Variants in ENPP4 observed in about 807,000 individuals in gnomAD.
ENPP4 encodes ectonucleotide pyrophosphatase/phosphodiesterase 4.
Under a neutral mutation model 33.4 loss-of-function variants are expected in ENPP4, and 18 were observed. That is an observed-to-expected ratio of 0.54 (90% confidence interval 0.37 to 0.80). The LOEUF (loss-of-function observed/expected upper bound fraction) is 0.80, where lower values mean the gene tolerates loss of function less well. ENPP4 is among the 30% of genes least tolerant of loss of function. The pLI is 0.00. For missense variants in ENPP4, 480 were observed against 541.7 expected (o/e 0.89, Z 1.13); for synonymous variants, 172 against 189.9 (o/e 0.91, Z 0.78).
At chr6:46,135,224 T>C (rs1033876017) in intron 1 of ENPP4, among the ~76,000 whole-genome samples, 2 of 152,086 alleles carry the variant, frequency 1.3e-5, no homozygotes, top group African/African-American at 2.4e-5. Context: ...GGTTATATGG[T>C]AGCCCTATGT....
At chr6:46,135,872 C>A (rs1763967312) in intron 1 of ENPP4, among the ~76,000 whole-genome samples, 1 of 151,974 alleles carries the variant, frequency 6.6e-6, no homozygotes, top group Non-Finnish European at 1.5e-5. Context: ...GCTTCAATTT[C>A]TTTTGCATGT....
Position 46,139,828 on chromosome 6 carries a change from A to G in ENPP4, c.245A>G (p.Tyr82Cys). ...PNHYSIVTGL[Y>C]EESHGIVANS... ...CACTACAGTATTGTGACAGGCTTGTATGAAGAAAGCCATGGCATTGTGGCT... is the reference window on the plus strand; with the variant it reads ...CACTACAGTATTGTGACAGGCTTGTGTGAAGAAAGCCATGGCATTGTGGCT... The change falls in exon 2 of 4, where the codon TAT becomes TGT. Residue 82 changes from tyrosine to cysteine, a missense_variant. This residue lies in a region of ENPP4 where 227 missense variants were observed against 273.7 expected (regional missense o/e 0.83). Coordinates refer to ENST00000321037, the MANE Select transcript of ENPP4 (RefSeq NM_014936.5). 1 of 1,612,588 alleles carries G rather than the reference A, an allele frequency of 6.2e-7. No homozygotes were observed. The highest frequency in any genetic ancestry group is 1.1e-5 in the South Asian group (1 of 91,056).
intron 1 of ENPP4, among the ~76,000 whole-genome samples, chr6:46,135,653 C>T (rs1763964671): frequency 6.6e-6 from 1 of 151,958 alleles, no homozygotes; most frequent in South Asian, 2.1e-4. Context: ...AGGCACGAGA[C>T]TTTTTAATTT....
In ENPP4 at chr6:46,140,367, CTT is replaced by C. The variant is rs1467520634; in HGVS notation, c.785_786del (p.Leu262HisfsTer15). 16 of 1,596,756 alleles carry C rather than the reference CTT, an allele frequency of 1.0e-5. No homozygotes were observed. The highest frequency in any genetic ancestry group is 2.3e-5 in the South Asian group (2 of 87,524). ...CTGCATCGATCATTCATACTACACT[CTT>C]ATAGATTTGAGCCCAGTTGCTGCAA... ...DSCIDHSYYT[L>X]IDLSPVAAIL... On this transcript the variant is annotated frameshift_variant, in exon 2 of 4. Transcript: ENST00000321037. LOFTEE classifies it high-confidence loss of function.
rs1307437280 is a variant in ENPP4, at chr6:46,140,275, A to G, written c.692A>G (p.Asn231Ser). 2 of 1,612,242 alleles carry G rather than the reference A, an allele frequency of 1.2e-6. No individual in the cohort carries two copies. Among genetic ancestry groups the G allele is most frequent in the Non-Finnish European group, 1.7e-6 (2 of 1,178,802 alleles). ...ATGTTAGGGCTATGGGAAAATCTTA[A>G]TGTGATCATTACAAGTGATCATGGG... ...LKMLGLWENL[N>S]VIITSDHGMT... The change falls in exon 2 of 4, where the codon AAT becomes AGT. Residue 231 changes from asparagine to serine, a missense_variant. This residue lies in a region of ENPP4 where 227 missense variants were observed against 273.7 expected (regional missense o/e 0.83). Transcript: ENST00000321037.
intron 1 of ENPP4, among the ~76,000 whole-genome samples, chr6:46,131,460 A>G (rs11758852): frequency 0.28 from 41,791 of 151,880 alleles, 6,998 homozygotes; most frequent in Middle Eastern, 0.41. Context: ...TTCCAATTTC[A>G]TCCATGTCCC....
At position 46,143,313 on chromosome 6, in the gene ENPP4, G is replaced by T; in HGVS notation, c.1035G>T (p.Met345Ile). Residue 345 changes from methionine (M) to isoleucine (I), a missense_variant, in exon 4 of 4, where the codon ATG becomes ATT. Physicochemically the swap from Met to Ile is conservative, Grantham distance 10 (BLOSUM62 1). Around this residue, in one of 3 missense-constraint regions of ENPP4, gnomAD observed 249 missense variants for 251.8 expected, o/e 0.99. Coordinates refer to ENST00000321037, the MANE Select transcript of ENPP4 (RefSeq NM_014936.5). ...DHGYDNSLPS[M>I]HPFLAAHGPA... ...GTTATGATAATTCTTTGCCTAGTAT[G>T]CATCCATTTCTAGCTGCCCACGGAC... 1 of 1,604,554 alleles carries T rather than the reference G, an allele frequency of 6.2e-7. No homozygotes were observed. Among genetic ancestry groups the T allele is most frequent in the Non-Finnish European group, 8.5e-7 (1 of 1,173,078 alleles).
chr6:46,138,085 G>A (rs1026008581), intron 1 of ENPP4, among the ~76,000 whole-genome samples: 1 of 151,802 alleles, frequency 6.6e-6, no homozygotes, highest in African/African-American at 2.4e-5. Context: ...TTCTTAGTCT[G>A]AAATAATGCA....
chr6:46,137,550 A>C (rs1464242800), intron 1 of ENPP4, among the ~76,000 whole-genome samples: 1 of 151,886 alleles, frequency 6.6e-6, no homozygotes, highest in Non-Finnish European at 1.5e-5. Context: ...TGAGGGCATA[A>C]AATATTGAAT....
At chr6:46,132,877 G>GT (rs1763921803) in intron 1 of ENPP4, among the ~76,000 whole-genome samples, 2 of 151,888 alleles carry the variant, frequency 1.3e-5, no homozygotes, top group Admixed American at 6.6e-5. Context: ...CACATCCCTT[G>GT]TAAGTTGGAT....
intron 1 of ENPP4, among the ~76,000 whole-genome samples, chr6:46,137,605 C>T (rs750855631): frequency 6.6e-6 from 1 of 151,872 alleles, no homozygotes; most frequent in Non-Finnish European, 1.5e-5. Flanking sequence ...GCTGAAATTG[C>T]TGTGCTATGA....
intron 1 of ENPP4, among the ~76,000 whole-genome samples, chr6:46,137,535 T>C (rs1276556625): frequency 6.6e-6 from 1 of 151,864 alleles, no homozygotes; most frequent in Non-Finnish European, 1.5e-5. Context: ...ACATAAACAC[T>C]GTGTTGAGGG....
chr6:46,134,783 A>C (rs1018305313), intron 1 of ENPP4, among the ~76,000 whole-genome samples: 2 of 152,038 alleles, frequency 1.3e-5, no homozygotes, highest in Admixed American at 6.6e-5. Context: ...CTGTCATCAC[A>C]ATCAATTTGA....
At chr6:46,142,146 A>C (rs541559237) in intron 3 of ENPP4, among the ~76,000 whole-genome samples, 1 of 151,460 alleles carries the variant, frequency 6.6e-6, no homozygotes, top group East Asian at 1.9e-4. Flanking sequence ...ATTTACATCA[A>C]TGTTATGTTG....
Position 46,144,974 on chromosome 6 carries a change from A to C in ENPP4, c.*1334A>C. On this transcript the variant is annotated 3_prime_UTR_variant, in exon 4 of 4. Coordinates refer to ENST00000321037, the MANE Select transcript of ENPP4 (RefSeq NM_014936.5). Reference sequence around the variant, plus strand: ...CCTTTGCTAGCTGGTACCTTCTAGTAATCAAAATTAATATGAAGAAACTAG... The same window carrying C: ...CCTTTGCTAGCTGGTACCTTCTAGTCATCAAAATTAATATGAAGAAACTAG... 2.5e-6 allele frequency: 1 copy of C among 396,422 alleles called. No homozygotes were observed. 24.6% of individuals were successfully genotyped at this position (396,422 alleles called of 1,614,324 possible).
intron 1 of ENPP4, among the ~76,000 whole-genome samples, chr6:46,131,249 G>A (rs991783541): frequency 7.2e-5 from 11 of 152,078 alleles, no homozygotes; most frequent in Admixed American, 4.6e-4. Context: ...ATGCTGGTGC[G>A]CTGCACCCAC....
chr6:46,140,777 T>A (rs1457879014), intron 2 of ENPP4, among the ~76,000 whole-genome samples: 1 of 151,658 alleles, frequency 6.6e-6, no homozygotes, highest in Admixed American at 6.6e-5. Flanking sequence ...AATTAGTTTA[T>A]GTTTACTTAG....
At position 46,139,944 on chromosome 6, in the gene ENPP4, G is replaced by A; in HGVS notation, c.361G>A (p.Val121Met). The change falls in exon 2 of 4, where the codon GTG becomes ATG. Residue 121 changes from valine to methionine, a missense_variant. Val to Met is a conservative substitution (Grantham distance 21, BLOSUM62 1). Transcript: ENST00000321037. Reference protein sequence around the residue: ...FWWNEAVPIWVTNQLQENRSS... With the variant: ...FWWNEAVPIWMTNQLQENRSS... ...GTGGAATGAGGCAGTACCTATTTGG[G>A]TGACCAATCAGCTTCAGGAAAACAG... is the stretch of plus-strand genomic sequence containing the variant. 1 of 1,612,862 alleles carries A rather than the reference G, an allele frequency of 6.2e-7. No individual in the cohort carries two copies.
intron 1 of ENPP4, among the ~76,000 whole-genome samples, chr6:46,131,019 G>A (rs1338415509): frequency 6.6e-6 from 1 of 152,170 alleles, no homozygotes; most frequent in Admixed American, 6.5e-5. Context: ...TCCCCTCAGA[G>A]ATTGTTTCAA....
Sources: allele counts gnomAD v4.1 joint callset (sites outside exome capture counted in the v4.1 genomes callset), GRCh38; gene constraint gnomAD v4.1.1; regional missense constraint gnomAD v4.1.1; transcripts MANE v1.5; gene names NCBI Gene and HGNC (gene_info 2026-07-23, HGNC 2026-07-21).